LGSN: variants seen among roughly 807,000 people sequenced by gnomAD.
LGSN encodes the protein lengsin, lens protein with glutamine synthetase domain.
In LGSN, 21 loss-of-function variants were observed where a neutral mutation model predicts 19.5. The observed-to-expected ratio is 1.07, with a 90% CI of 0.76 to 1.55. LGSN has a LOEUF of 1.55. Among genes scored for constraint, LGSN ranks in the 40% most tolerant of loss-of-function variants. The probability of loss-of-function intolerance (pLI) is 0.00; values close to 1 mark genes in which losing one functional copy is unlikely to be tolerated. For missense variants in LGSN, 673 were observed against 608.5 expected, an observed-to-expected ratio of 1.11 and a Z score of -1.12; for synonymous variants, 257 against 215.6, an observed-to-expected ratio of 1.19 and a Z score of -1.68.
At chr6:63,550,315 C>G in the LGSN span, 1 of 152,154 alleles carries the variant, frequency 6.6e-6, no homozygotes, top group Non-Finnish European at 1.5e-5. Flanking sequence ...TGTGCCCGCC[C>G]TCTCTTTCTG....
the LGSN span, among the ~76,000 whole-genome samples, chr6:63,490,934 C>G: frequency 1.5e-4 from 23 of 152,064 alleles, no homozygotes; most frequent in Non-Finnish European, 1.2e-4. Context: ...ACACCCCACT[C>G]AAGAAGAGAC....
the LGSN span, among the ~76,000 whole-genome samples, chr6:63,408,133 C>T: frequency 2.0e-5 from 3 of 152,260 alleles, no homozygotes; most frequent in Non-Finnish European, 2.9e-5. Context: ...CAATGCCATC[C>T]TCATCAAGCT....
the LGSN span, among the ~76,000 whole-genome samples, chr6:63,460,979 A>T: frequency 6.6e-6 from 1 of 152,170 alleles, no homozygotes; most frequent in Admixed American, 6.5e-5. Context: ...TGAGGGGGCC[A>T]AGCGTCCCTC....
chr6:63,404,551 A>G, the LGSN span, among the ~76,000 whole-genome samples: 1 of 152,250 alleles, frequency 6.6e-6, no homozygotes, highest in African/African-American at 2.4e-5. Context: ...CAGCAGATTC[A>G]GTGTCTGCTG....
At chr6:63,386,703 A>C in the LGSN span, among the ~76,000 whole-genome samples, 1 of 152,198 alleles carries the variant, frequency 6.6e-6, no homozygotes, top group East Asian at 1.9e-4. Flanking sequence ...CCTTTCCCTG[A>C]CTCAATAAAT....
intron 1 of LGSN, among the ~76,000 whole-genome samples, chr6:63,296,001 AG>A (rs1298720303): frequency 6.6e-6 from 1 of 152,218 alleles, no homozygotes; most frequent in African/African-American, 2.4e-5. Flanking sequence ...GCAGGCTCCG[AG>A]AGGTTTCACA....
the LGSN span, among the ~76,000 whole-genome samples, chr6:63,562,558 A>G: frequency 6.6e-6 from 1 of 152,196 alleles, no homozygotes. Flanking sequence ...GATATCACCC[A>G]CTATGAGTTG....
chr6:63,333,922 C>A, the LGSN span, among the ~76,000 whole-genome samples: 2 of 152,164 alleles, frequency 1.3e-5, no homozygotes, highest in Admixed American at 1.3e-4. Context: ...TAAAATTCAA[C>A]ATGGCTTCAT....
At chr6:63,502,064 T>C in the LGSN span, among the ~76,000 whole-genome samples, 1 of 152,340 alleles carries the variant, frequency 6.6e-6, no homozygotes, top group Admixed American at 6.5e-5. Context: ...CCTCCCAAAA[T>C]GTTGGGATTA....
the LGSN span, among the ~76,000 whole-genome samples, chr6:63,405,617 T>C: frequency 2.1e-3 from 325 of 152,304 alleles, 1 homozygote; most frequent in African/African-American, 6.4e-3. Flanking sequence ...TTGAGAAGTG[T>C]CTGTTCATGT....
the LGSN span, among the ~76,000 whole-genome samples, chr6:63,350,143 C>A: frequency 6.6e-6 from 1 of 152,138 alleles, no homozygotes; most frequent in African/African-American, 2.4e-5. Flanking sequence ...TTTGCACCAA[C>A]CTAATAATTA....
the LGSN span, among the ~76,000 whole-genome samples, chr6:63,498,236 G>T: frequency 6.6e-6 from 1 of 151,950 alleles, no homozygotes; most frequent in Non-Finnish European, 1.5e-5. Context: ...TTTCTTATTT[G>T]AAGAGGAAAA....
chr6:63,467,555 G>A, the LGSN span, among the ~76,000 whole-genome samples: 15 of 152,200 alleles, frequency 9.9e-5, no homozygotes, highest in African/African-American at 3.1e-4. Flanking sequence ...GCTTACCAAT[G>A]GGGCACCTTC....
At chr6:63,573,478 C>G in the LGSN span, 1 of 152,242 alleles carries the variant, frequency 6.6e-6, no homozygotes, top group African/African-American at 2.4e-5. Context: ...AGGCGCGGCG[C>G]GAACCCGTGA....
chr6:63,463,291 C>T, the LGSN span, among the ~76,000 whole-genome samples: 1 of 152,074 alleles, frequency 6.6e-6, no homozygotes, highest in Admixed American at 6.6e-5. Context: ...TAAGTATATG[C>T]TGATATTATT....
chr6:63,474,465 T>G, the LGSN span, among the ~76,000 whole-genome samples: 1 of 151,676 alleles, frequency 6.6e-6, no homozygotes, highest in South Asian at 2.1e-4. Context: ...AAAAATTAGC[T>G]GGGCATGGTG....
At chr6:63,504,101 T>C in the LGSN span, among the ~76,000 whole-genome samples, 4 of 152,224 alleles carry the variant, frequency 2.6e-5, no homozygotes, top group East Asian at 7.7e-4. Flanking sequence ...ATTTTTTTTA[T>C]AAATACCTCA....
the LGSN span, among the ~76,000 whole-genome samples, chr6:63,557,069 G>A: frequency 6.6e-6 from 1 of 152,296 alleles, no homozygotes; most frequent in Middle Eastern, 3.4e-3. Flanking sequence ...TATGTGCCAA[G>A]TACTGTGTTA....
chr6:63,371,348 A>G, the LGSN span, among the ~76,000 whole-genome samples: 1 of 152,254 alleles, frequency 6.6e-6, no homozygotes, highest in Non-Finnish European at 1.5e-5. Context: ...ACACTTTTAT[A>G]AACAACCGAA....
Sources: gnomAD v4.1 joint callset for allele counts (sites outside exome capture counted in the v4.1 genomes callset) on GRCh38, gnomAD v4.1.1 for gene constraint, MANE v1.5 for transcripts, NCBI Gene and HGNC (gene_info 2026-07-23, HGNC 2026-07-21) for gene names.